CACNA2D3: variants seen among roughly 807,000 people sequenced by gnomAD.
CACNA2D3 encodes the protein calcium voltage-gated channel auxiliary subunit alpha2delta 3, also known as voltage-dependent calcium channel subunit alpha-2/delta-3.
A neutral mutation model predicts 160.6 loss-of-function variants in CACNA2D3; 60 were observed. The observed-to-expected ratio is 0.37, with a 90% CI of 0.30 to 0.46. The LOEUF (loss-of-function observed/expected upper bound fraction) is 0.46. Among genes scored for constraint, CACNA2D3 ranks in the 20% least tolerant of loss-of-function variants. The probability of loss-of-function intolerance (pLI) is 1.00; values close to 1 mark genes in which losing one functional copy is unlikely to be tolerated. For synonymous variants in CACNA2D3, 558 were observed against 492.9 expected (o/e 1.13, Z -1.75); for missense variants, 1,205 against 1,365.0 (o/e 0.88, Z 1.85).
intron 4 of CACNA2D3, among the ~76,000 whole-genome samples, chr3:54,432,443 A>G (rs976885838): frequency 2.6e-5 from 4 of 152,230 alleles, no homozygotes; most frequent in South Asian, 2.1e-4. Flanking sequence ...CTAGAATACA[A>G]TGTTTTTCTC....
intron 3 of CACNA2D3, among the ~76,000 whole-genome samples, chr3:54,321,983 T>A (rs1195409760): frequency 6.6e-6 from 1 of 151,934 alleles, no homozygotes; most frequent in Non-Finnish European, 1.5e-5. Context: ...GACATATTAT[T>A]TTAGCATGCA....
chr3:54,762,957 G>A (rs1407366602), intron 12 of CACNA2D3, among the ~76,000 whole-genome samples: 3 of 151,928 alleles, frequency 2.0e-5, no homozygotes, highest in African/African-American at 7.3e-5. Context: ...GCGTGGTGGC[G>A]GGTGCCTGTA....
intron 11 of CACNA2D3, among the ~76,000 whole-genome samples, chr3:54,697,120 T>C (rs898089447): frequency 6.6e-6 from 1 of 152,152 alleles, no homozygotes; most frequent in African/African-American, 2.4e-5. Context: ...CTACCAAAAA[T>C]ACAAAACATT....
At chr3:54,363,728 A>G (rs1698783040) in intron 3 of CACNA2D3, among the ~76,000 whole-genome samples, 1 of 152,236 alleles carries the variant, frequency 6.6e-6, no homozygotes, top group Non-Finnish European at 1.5e-5. Flanking sequence ...TTTGGGTGGC[A>G]GATCACCAAA....
intron 35 of CACNA2D3, among the ~76,000 whole-genome samples, chr3:55,038,676 C>T (rs1703886365): frequency 6.6e-6 from 1 of 151,682 alleles, no homozygotes; most frequent in Admixed American, 6.6e-5. Context: ...TCTTTTTAAC[C>T]AGGAATTCAC....
chr3:54,288,938 C>G (rs1703109364), intron 2 of CACNA2D3, among the ~76,000 whole-genome samples: 1 of 152,150 alleles, frequency 6.6e-6, no homozygotes, highest in African/African-American at 2.4e-5. Context: ...TAAGAGCTAT[C>G]TATGACAAAC....
intron 4 of CACNA2D3, among the ~76,000 whole-genome samples, chr3:54,409,727 C>T (rs947773703): frequency 6.6e-6 from 1 of 152,186 alleles, no homozygotes; most frequent in Non-Finnish European, 1.5e-5. Context: ...CTAGATAGAT[C>T]AGACCTGTCA....
At chr3:54,434,073 G>A (rs1171249003) in intron 4 of CACNA2D3, among the ~76,000 whole-genome samples, 1 of 152,156 alleles carries the variant, frequency 6.6e-6, no homozygotes, top group Non-Finnish European at 1.5e-5. Flanking sequence ...GGCTGAGCAG[G>A]AACCCAATCT....
chr3:54,250,968 A>T (rs1056192795), intron 2 of CACNA2D3, among the ~76,000 whole-genome samples: 1 of 152,102 alleles, frequency 6.6e-6, no homozygotes. Context: ...AGGAGTAAAG[A>T]TCTGAGTAAA....
chr3:54,223,678 A>G (rs935889092), intron 2 of CACNA2D3, among the ~76,000 whole-genome samples: 1 of 151,872 alleles, frequency 6.6e-6, no homozygotes, highest in Non-Finnish European at 1.5e-5. Flanking sequence ...ACATGGTGAA[A>G]CCCCGTCTCT....
At chr3:54,338,705 C>T (rs929535951) in intron 3 of CACNA2D3, among the ~76,000 whole-genome samples, 1 of 152,118 alleles carries the variant, frequency 6.6e-6, no homozygotes, top group Non-Finnish European at 1.5e-5. Flanking sequence ...GGTTCAAGTC[C>T]TGACTCTGCC....
chr3:54,153,516 G>A (rs1401416905), intron 2 of CACNA2D3, among the ~76,000 whole-genome samples: 1 of 152,164 alleles, frequency 6.6e-6, no homozygotes, highest in Non-Finnish European at 1.5e-5. Context: ...TGTTTATGAA[G>A]GTTGAAAAAG....
chr3:54,637,093 T>TA (rs888345812), intron 10 of CACNA2D3, among the ~76,000 whole-genome samples: 2 of 151,988 alleles, frequency 1.3e-5, no homozygotes, highest in African/African-American at 4.8e-5. Flanking sequence ...GATCCTGAAC[T>TA]AACTTGTAAG....
intron 2 of CACNA2D3, among the ~76,000 whole-genome samples, chr3:54,181,175 A>T (rs1199231511): frequency 6.6e-6 from 1 of 152,216 alleles, no homozygotes; most frequent in African/African-American, 2.4e-5. Flanking sequence ...TGTCAGGTAG[A>T]ACATGAAGGT....
chr3:55,052,117 T>C (rs1254535244), intron 35 of CACNA2D3, among the ~76,000 whole-genome samples: 1 of 152,226 alleles, frequency 6.6e-6, no homozygotes, highest in Non-Finnish European at 1.5e-5. Flanking sequence ...TTCGGCCATC[T>C]TGGCTCCTCC....
intron 17 of CACNA2D3, among the ~76,000 whole-genome samples, chr3:54,860,164 G>T (rs1457405426): frequency 6.6e-6 from 1 of 152,106 alleles, no homozygotes; most frequent in Non-Finnish European, 1.5e-5. Context: ...GATTCCTTGG[G>T]AATGGGAAAT....
chr3:54,740,344 C>A (rs1275534355), intron 11 of CACNA2D3, among the ~76,000 whole-genome samples: 1 of 151,992 alleles, frequency 6.6e-6, no homozygotes, highest in Non-Finnish European at 1.5e-5. Context: ...TAATGGTTGC[C>A]CCAAATTCTC....
intron 3 of CACNA2D3, among the ~76,000 whole-genome samples, chr3:54,383,737 G>T (rs1019281885): frequency 6.6e-6 from 1 of 151,954 alleles, no homozygotes; most frequent in South Asian, 2.1e-4. Context: ...ACTTGAACGT[G>T]AACATAAAAA....
chr3:54,957,634 C>T (rs1575406592), intron 27 of CACNA2D3, among the ~76,000 whole-genome samples: 1 of 152,120 alleles, frequency 6.6e-6, no homozygotes. Flanking sequence ...AGTGCTGTAA[C>T]TGGCCAGATT....
Sources: gnomAD v4.1 joint callset for allele counts (sites outside exome capture counted in the v4.1 genomes callset) on GRCh38, gnomAD v4.1.1 for gene constraint, MANE v1.5 for transcripts, NCBI Gene and HGNC (gene_info 2026-07-23, HGNC 2026-07-21) for gene names.